VNN1: variants seen among roughly 807,000 people sequenced by gnomAD.
VNN1 encodes pantetheinase.
Under a neutral mutation model 41.9 loss-of-function variants are expected in VNN1, and 29 were observed. The ratio of observed to expected loss-of-function variants is 0.69; its 90% confidence interval spans 0.52 to 0.94. VNN1 has a LOEUF of 0.94. Among genes scored for constraint, VNN1 ranks in the 40% least tolerant of loss-of-function variants. The pLI, the probability that VNN1 is intolerant of heterozygous loss-of-function variation, is 0.00. For synonymous variants in VNN1, 233 were observed against 224.4 expected, an observed-to-expected ratio of 1.04 and a Z score of -0.34; for missense variants, 637 against 621.1, an observed-to-expected ratio of 1.03 and a Z score of -0.27.
intron 2 of VNN1, 95 bp downstream of exon 2, chr6:132,711,614 T>C: frequency 7.2e-7 from 1 of 1,381,414 alleles, no homozygotes; most frequent in South Asian, 1.5e-5. Flanking sequence ...AACTTAAGAA[T>C]TGATCATGGA....
At chr6:132,698,215 G>A (rs915853561) in intron 2 of VNN1, among the ~76,000 whole-genome samples, 1 of 152,226 alleles carries the variant, frequency 6.6e-6, no homozygotes. Context: ...CACAGAAGGA[G>A]GAGGTGAAAG....
At chr6:132,712,338 TGGGG>T (rs1778614063) in intron 1 of VNN1, among the ~76,000 whole-genome samples, 2 of 152,014 alleles carry the variant, frequency 1.3e-5, no homozygotes, top group Non-Finnish European at 2.9e-5. Context: ...TTAGTAGAGA[TGGGG>T]TTTCTCCATA....
intron 2 of VNN1, among the ~76,000 whole-genome samples, chr6:132,703,777 A>G (rs1220195523): frequency 6.6e-6 from 1 of 152,040 alleles, no homozygotes; most frequent in Non-Finnish European, 1.5e-5. Context: ...GATAAAAAAG[A>G]AAAAAAATCA....
At chr6:132,705,899 G>C (rs1345945089) in intron 2 of VNN1, among the ~76,000 whole-genome samples, 2 of 151,936 alleles carry the variant, frequency 1.3e-5, no homozygotes, top group Admixed American at 6.6e-5. Flanking sequence ...ATCAAGAAAG[G>C]AATAGCATTT....
Position 132,713,857 on chromosome 6 carries a change from A to G in VNN1, c.179T>C (p.Leu60Ser), listed in dbSNP as rs748518502. 9 of 1,613,270 alleles carry G rather than the reference A, an allele frequency of 5.6e-6. No individual in the cohort carries two copies. Among genetic ancestry groups the G allele is most frequent in the Non-Finnish European group, 1.7e-6 (2 of 1,180,034 alleles). The change falls in exon 1 of 7, where the codon TTG (leucine) becomes TCG (serine). Residue 60 changes from leucine (L) to serine (S), a missense_variant. Coordinates refer to ENST00000367928, the MANE Select transcript of VNN1 (RefSeq NM_004666.3). The part of the protein sequence containing the change: ...LALMNRNLDI[L>S]EGAITSAADQ... Reference sequence around the variant, plus strand: ...TGCTGCTGATGTGATCGCTCCTTCCAAAATGTCCAGATTCCGATTCATTAA... The same window carrying G: ...TGCTGCTGATGTGATCGCTCCTTCCGAAATGTCCAGATTCCGATTCATTAA...
At chr6:132,689,478 A>G (rs1011158929) in intron 5 of VNN1, among the ~76,000 whole-genome samples, 18 of 152,170 alleles carry the variant, frequency 1.2e-4, no homozygotes, top group African/African-American at 4.3e-4. Context: ...AATTATACTC[A>G]AAAATGCTAA....
Position 132,684,397 on chromosome 6 carries a change from T to A in VNN1, c.1297A>T (p.Thr433Ser), listed in dbSNP as rs1287302624. ...AACACCTCAGGAAAGACATACTGGG[T>A]TCCGAAAGTGCCACTGAGGGAGAAC... ...EMFSLSGTFG[T>S]QYVFPEVLLS... The change falls in exon 6 of 7, where the codon ACC becomes TCC. Residue 433 changes from threonine to serine, a missense_variant. Thr to Ser is a moderately conservative substitution (Grantham distance 58). Transcript: ENST00000367928. The A allele has an allele frequency of 6.2e-7, 1 of 1,614,026 alleles. No homozygotes were observed. The highest frequency in any genetic ancestry group is 1.7e-5 in the Admixed American group (1 of 60,014).
At chr6:132,713,069 A>C (rs1215063324) in intron 1 of VNN1, among the ~76,000 whole-genome samples, 1 of 152,220 alleles carries the variant, frequency 6.6e-6, no homozygotes, top group Non-Finnish European at 1.5e-5. Flanking sequence ...CGGGAAGTCA[A>C]GGCTGCAGTG....
intron 5 of VNN1, among the ~76,000 whole-genome samples, chr6:132,690,295 G>A (rs907047070): frequency 6.6e-6 from 1 of 152,142 alleles, no homozygotes; most frequent in Non-Finnish European, 1.5e-5. Flanking sequence ...TGCAGGACAG[G>A]ATGTTGCTTC....
intron 2 of VNN1, among the ~76,000 whole-genome samples, chr6:132,705,322 T>C (rs183376889): frequency 4.6e-5 from 7 of 152,248 alleles, no homozygotes; most frequent in Admixed American, 4.6e-4. Flanking sequence ...AAATTATTCA[T>C]CATGACCAAG....
At chr6:132,697,183 G>T (rs1050935641) in intron 2 of VNN1, among the ~76,000 whole-genome samples, 1 of 151,934 alleles carries the variant, frequency 6.6e-6, no homozygotes, top group African/African-American at 2.4e-5. Context: ...AAGGAAGGAT[G>T]GATATTGAGC....
At chr6:132,689,270 A>AAC (rs58998291) in intron 5 of VNN1, among the ~76,000 whole-genome samples, 6,806 of 151,502 alleles carry the variant, frequency 0.045, 331 homozygotes, top group South Asian at 0.14. Flanking sequence ...TTTGTTGAGA[A>AAC]ACACACACAC....
chr6:132,701,838 C>A (rs942072146), intron 2 of VNN1, among the ~76,000 whole-genome samples: 1 of 152,186 alleles, frequency 6.6e-6, no homozygotes, highest in Non-Finnish European at 1.5e-5. Flanking sequence ...AAAATTTGTG[C>A]CCTTGGGGGA....
chr6:132,702,256 G>A lies in VNN1; in HGVS notation c.342-8074C>T, dbSNP rs138321201. On this transcript the variant is annotated intron_variant, in intron 2 of 6. Coordinates refer to ENST00000367928, the MANE Select transcript of VNN1 (RefSeq NM_004666.3). Reference sequence around the variant, plus strand: ...GCATTAGATTCTCATAGGAATGGAAGCCTGTTGTGAACTGTGCATCTGAGG... The same window carrying A: ...GCATTAGATTCTCATAGGAATGGAAACCTGTTGTGAACTGTGCATCTGAGG... Among the ~76,000 whole-genome samples the A allele has an allele frequency of 3.3e-5, 5 of 152,294 alleles. No individual in the cohort carries two copies. In the East Asian group the frequency reaches 9.6e-4, roughly 29 times the overall value.
chr6:132,707,047 T>G (rs1778528679), intron 2 of VNN1, among the ~76,000 whole-genome samples: 1 of 151,588 alleles, frequency 6.6e-6, no homozygotes, highest in Non-Finnish European at 1.5e-5. Flanking sequence ...GACAACATGG[T>G]GGAACCCCGT....
intron 5 of VNN1, among the ~76,000 whole-genome samples, chr6:132,685,016 T>A (rs961852960): frequency 6.6e-6 from 1 of 152,250 alleles, no homozygotes; most frequent in African/African-American, 2.4e-5. Flanking sequence ...GAATTTAAAA[T>A]GTGTTTAAAG....
chr6:132,703,099 C>A (rs1778470931), intron 2 of VNN1, among the ~76,000 whole-genome samples: 1 of 152,156 alleles, frequency 6.6e-6, no homozygotes, highest in Non-Finnish European at 1.5e-5. Context: ...TCCTGGATGG[C>A]ATTTCTAGAC....
intron 2 of VNN1, among the ~76,000 whole-genome samples, chr6:132,705,637 A>G (rs529828502): frequency 6.6e-6 from 1 of 152,164 alleles, no homozygotes; most frequent in Non-Finnish European, 1.5e-5. Context: ...TTTCACCACT[A>G]TTATTCAACA....
At chr6:132,710,546 C>A (rs536667832) in intron 2 of VNN1, among the ~76,000 whole-genome samples, 1 of 152,090 alleles carries the variant, frequency 6.6e-6, no homozygotes, top group African/African-American at 2.4e-5. Flanking sequence ...CGACAGGCCC[C>A]GGTGTGTGAT....
Sources: allele counts gnomAD v4.1 joint callset (sites outside exome capture counted in the v4.1 genomes callset), GRCh38; gene constraint gnomAD v4.1.1; transcripts MANE v1.5; gene names NCBI Gene and HGNC (gene_info 2026-07-23, HGNC 2026-07-21).